GDPD5: variants seen among roughly 807,000 people sequenced by gnomAD.
GDPD5 encodes glycerophosphodiester phosphodiesterase domain containing 5, also known as glycerophosphodiester phosphodiesterase 2.
In GDPD5, 48 loss-of-function variants were observed where a neutral mutation model predicts 75.1. The ratio of observed to expected loss-of-function variants is 0.64; its 90% CI spans 0.51 to 0.81. The LOEUF (loss-of-function observed/expected upper bound fraction) is 0.81, where lower values mean the gene tolerates loss of function less well. Among genes scored for constraint, GDPD5 ranks in the 40% least tolerant of loss-of-function variants. GDPD5 has a pLI of 0.00. For missense variants in GDPD5, 706 were observed against 822.6 expected (o/e 0.86, Z 1.73); for synonymous variants, 336 against 339.0 (o/e 0.99, Z 0.10).
intron 3 of GDPD5, among the ~76,000 whole-genome samples, chr11:75,470,094 G>A (rs1312314137): frequency 6.6e-6 from 1 of 152,198 alleles, no homozygotes; most frequent in Non-Finnish European, 1.5e-5. Context: ...GGAGGGGTGA[G>A]CTAGAAGCCT....
Position 75,490,302 on chromosome 11 carries a change from T to C in GDPD5, c.-126A>G, listed in dbSNP as rs958935983. The C allele has an allele frequency of 1.3e-5, 2 of 152,232 alleles. No individual in the cohort carries two copies. The highest frequency in any genetic ancestry group is 2.4e-5 in the African/African-American group (1 of 41,450). 9.4% of individuals were successfully genotyped at this position (152,232 alleles called of 1,614,324 possible). On this transcript the variant is annotated 5_prime_UTR_variant, in exon 2 of 17. The change creates a new upstream start codon in the 5' untranslated region. Transcript: ENST00000336898. ...GGTGTCTTGTCCACAGAGGCAGTGATATCACTTCACTGGGAGAGCTGAGAG... is the reference window on the plus strand; with the variant it reads ...GGTGTCTTGTCCACAGAGGCAGTGACATCACTTCACTGGGAGAGCTGAGAG...
intron 1 of GDPD5, among the ~76,000 whole-genome samples, chr11:75,507,921 A>G (rs908500044): frequency 8.5e-4 from 129 of 151,314 alleles, no homozygotes; most frequent in African/African-American, 2.8e-3. Flanking sequence ...ACTCTGGGCC[A>G]TCATCCCCCA....
intron 5 of GDPD5, 131 bp downstream of exon 5, chr11:75,457,562 C>T (rs1160246878): frequency 3.2e-6 from 2 of 624,922 alleles, no homozygotes; most frequent in Non-Finnish European, 5.6e-6. Context: ...TACATTCCTA[C>T]AAATACAATA....
At chr11:75,522,043 C>T (rs1267348757) in intron 1 of GDPD5, among the ~76,000 whole-genome samples, 1 of 152,118 alleles carries the variant, frequency 6.6e-6, no homozygotes, top group African/African-American at 2.4e-5. Context: ...GGCATTCACC[C>T]CTCACTAACC....
Position 75,439,158 on chromosome 11 carries a change from T to TGGGA in GDPD5, c.1556+717_1556+720dup, listed in dbSNP as rs1948714671. On this transcript the variant is annotated intron_variant, in intron 15 of 16. Transcript: ENST00000336898. ...GGGAGCAGAGGGACACACACGGCAG[T>TGGGA]GGGACGGGAGGAGCAGAAAAGAGGA... Among the ~76,000 whole-genome samples, 4 of 152,138 alleles carry TGGGA rather than the reference T, an allele frequency of 2.6e-5. No individual in the cohort carries two copies. In the South Asian group the frequency reaches 8.3e-4, roughly 32 times the overall value.
chr11:75,477,300 C>A (rs999515513), intron 3 of GDPD5, among the ~76,000 whole-genome samples: 4 of 152,220 alleles, frequency 2.6e-5, no homozygotes, highest in Non-Finnish European at 5.9e-5. Context: ...GCCTGCCTGC[C>A]TGCCTGTCAA....
chr11:75,483,034 G>C (rs149886606), intron 2 of GDPD5, among the ~76,000 whole-genome samples: 2 of 152,116 alleles, frequency 1.3e-5, no homozygotes, highest in Admixed American at 1.3e-4. Flanking sequence ...TCTCTGAGAC[G>C]GGACTCTCTC....
Position 75,438,484 on chromosome 11 carries a change from C to A in GDPD5, c.1556+1395G>T, listed in dbSNP as rs189411620. The stretch of plus-strand genomic sequence containing the variant: ...GGGCTCCATGTGAGAAGGCCCAACT[C>A]CTGCTGCAGACAGCATCAGCAACCA... On this transcript the variant is annotated intron_variant, in intron 15 of 16. Coordinates refer to ENST00000336898, the MANE Select transcript of GDPD5 (RefSeq NM_030792.8). The A allele has an allele frequency of 1.1e-3, 164 of 152,424 alleles. 1 individual carries two copies. The highest frequency in any genetic ancestry group is 1.3e-4 in the Non-Finnish European group (9 of 68,112). The allele number at this position is 152,424 out of a possible 1,614,324, so 9.4% of individuals were successfully genotyped here. A position where few individuals can be genotyped will look rare whatever the true frequency, so the allele number is the denominator to read the frequency against.
chr11:75,450,171 G>T (rs377205420), intron 6 of GDPD5, among the ~76,000 whole-genome samples, 188 bp from the exon 7 acceptor site: 70 of 152,282 alleles, frequency 4.6e-4, no homozygotes, highest in African/African-American at 1.6e-3. Context: ...GACACGGCAG[G>T]GAGAGACTGA....
At chr11:75,441,917 G>A (rs1948825249) in intron 12 of GDPD5, 114 bp from the exon 13 acceptor site, 6 of 1,093,688 alleles carry the variant, frequency 5.5e-6, no homozygotes, top group Non-Finnish European at 7.7e-6. Flanking sequence ...GGCGGTGAAA[G>A]CTTAGATGAA....
At chr11:75,519,012 C>A (rs1950700593) in intron 1 of GDPD5, among the ~76,000 whole-genome samples, 1 of 152,108 alleles carries the variant, frequency 6.6e-6, no homozygotes, top group Non-Finnish European at 1.5e-5. Context: ...TCCTTTTCTG[C>A]AGGAGATTTG....
At chr11:75,444,958 G>A (rs569954127) in intron 9 of GDPD5, among the ~76,000 whole-genome samples, 179 of 152,222 alleles carry the variant, frequency 1.2e-3, no homozygotes, top group African/African-American at 3.9e-3. Flanking sequence ...GACAAGTCCA[G>A]GGGGGAGACC....
intron 2 of GDPD5, among the ~76,000 whole-genome samples, chr11:75,487,198 C>T (rs1234079689): frequency 6.6e-6 from 1 of 152,250 alleles, no homozygotes; most frequent in Admixed American, 6.5e-5. Flanking sequence ...TTTTCCATTG[C>T]ATAGCCTCAT....
At chr11:75,506,153 C>T (rs760027797) in intron 1 of GDPD5, among the ~76,000 whole-genome samples, 8 of 152,166 alleles carry the variant, frequency 5.3e-5, no homozygotes, top group Non-Finnish European at 1.2e-4. Context: ...AGTAGGCACT[C>T]AATAAAAGGT....
chr11:75,523,994 G>A (rs1631013), intron 1 of GDPD5, among the ~76,000 whole-genome samples: 112,284 of 152,198 alleles, frequency 0.74, 43,779 homozygotes, highest in Middle Eastern at 0.86. Context: ...TCCCCTCCCC[G>A]TCCCCACACA....
intron 1 of GDPD5, among the ~76,000 whole-genome samples, chr11:75,520,693 T>C (rs1950737186): frequency 6.6e-6 from 1 of 152,210 alleles, no homozygotes; most frequent in Admixed American, 6.5e-5. Flanking sequence ...TACTGCTCTT[T>C]CCCATGGTCA....
At chr11:75,449,635 G>A in intron 7 of GDPD5, 25 bp from the exon 8 acceptor site, 1 of 1,558,460 alleles carries the variant, frequency 6.4e-7, no homozygotes, top group Non-Finnish European at 8.7e-7. Context: ...AGGGAAGGGA[G>A]ACCAGTAACG....
chr11:75,485,681 G>A (rs1950008383), intron 2 of GDPD5: 1 of 152,184 alleles, frequency 6.6e-6, no homozygotes, highest in Non-Finnish European at 1.5e-5. Flanking sequence ...AGCCCCACAG[G>A]GCGGGCCTGT....
chr11:75,513,553 G>A (rs2135492353), intron 1 of GDPD5, among the ~76,000 whole-genome samples: 1 of 152,288 alleles, frequency 6.6e-6, no homozygotes, highest in South Asian at 2.1e-4. Context: ...AGATATCAGA[G>A]CGCTTCGTAA....
Sources: allele counts gnomAD v4.1 joint callset (sites outside exome capture counted in the v4.1 genomes callset), GRCh38; gene constraint gnomAD v4.1.1; transcripts MANE v1.5; gene names NCBI Gene and HGNC (gene_info 2026-07-23, HGNC 2026-07-21).